GREB1: variants seen among roughly 807,000 people sequenced by gnomAD.
GREB1 encodes growth regulating estrogen receptor binding 1, also known as protein GREB1.
GREB1 carries 106 observed loss-of-function variants against 200.7 expected under a neutral mutation model. The observed-to-expected ratio is 0.53, with a 90% confidence interval of 0.45 to 0.62. The LOEUF (loss-of-function observed/expected upper bound fraction) is 0.62. GREB1 is among the 20% of genes least tolerant of loss of function. GREB1 has a pLI of 0.00. For synonymous variants in GREB1, 1,132 were observed against 1,092.4 expected (o/e 1.04, Z -0.72); for missense variants, 2,243 against 2,556.8 (o/e 0.88, Z 2.65).
intron 7 of GREB1, chr2:11,581,310 G>A: frequency 4.9e-6 from 2 of 410,526 alleles, no homozygotes; most frequent in Non-Finnish European, 8.7e-6. Flanking sequence ...ATGAGGTGCT[G>A]TATGAAAGGT....
At chr2:11,558,902 T>G (rs181044203) in intron 2 of GREB1, among the ~76,000 whole-genome samples, 1 of 152,298 alleles carries the variant, frequency 6.6e-6, no homozygotes, top group African/African-American at 2.4e-5. Flanking sequence ...TCTTATTACT[T>G]TGTTCTTTGA....
chr2:11,552,129 A>G (rs912057233), intron 1 of GREB1, among the ~76,000 whole-genome samples: 7 of 152,240 alleles, frequency 4.6e-5, no homozygotes, highest in African/African-American at 1.7e-4. Flanking sequence ...TTTACAGACT[A>G]GTACAGCCAG....
intron 10 of GREB1, among the ~76,000 whole-genome samples, chr2:11,590,879 A>G (rs912384574): frequency 6.6e-6 from 1 of 152,192 alleles, no homozygotes; most frequent in African/African-American, 2.4e-5. Flanking sequence ...GCTGATCCCA[A>G]GGAGAGGGGC....
chr2:11,613,014 T>C (rs1400173738), intron 19 of GREB1, among the ~76,000 whole-genome samples: 1 of 152,092 alleles, frequency 6.6e-6, no homozygotes, highest in East Asian at 1.9e-4. Flanking sequence ...TGCTGGTACC[T>C]AGGCTGCCGC....
At chr2:11,631,546 G>T (rs1684876711) in intron 26 of GREB1, among the ~76,000 whole-genome samples, 1 of 152,160 alleles carries the variant, frequency 6.6e-6, no homozygotes, top group Non-Finnish European at 1.5e-5. Context: ...GCTCTGTTGT[G>T]CTCACTCACT....
chr2:11,613,739 AGGTACCTTCT>A (rs1683139418), intron 19 of GREB1, among the ~76,000 whole-genome samples: 2 of 152,232 alleles, frequency 1.3e-5, no homozygotes, highest in African/African-American at 4.8e-5. Flanking sequence ...GCTGAATACC[AGGTACCTTCT>A]GGTACCTTCT....
rs3762579 is a variant in GREB1 at position 11,610,939 on chromosome 2, G to A, written c.2918G>A (p.Arg973Gln). The A allele has an allele frequency of 3.0e-4, 476 of 1,610,716 alleles. 5 individuals are homozygous for A. In the East Asian group the frequency reaches 0.01, roughly 34 times the overall value. The change falls in exon 18 of 33, where the codon CGG (arginine) becomes CAG (glutamine). Residue 973 changes from arginine to glutamine, a missense_variant. Physicochemically the swap from Arg to Gln is conservative, Grantham distance 43 (BLOSUM62 1). Around this residue, in one of 3 missense-constraint regions of GREB1, gnomAD observed 1,178 missense variants for 1,387.4 expected, o/e 0.85. Coordinates refer to ENST00000381486, the MANE Select transcript of GREB1 (RefSeq NM_014668.4). ...AYERLAHVRA[R>Q]LALEEHFEII... ...GAGCGGCTGGCCCACGTGCGGGCCC[G>A]GCTGGCGCTGGAGGAGCACTTTGAG...
At chr2:11,614,661 T>G (rs1683237460) in intron 19 of GREB1, among the ~76,000 whole-genome samples, 1 of 151,974 alleles carries the variant, frequency 6.6e-6, no homozygotes, top group African/African-American at 2.4e-5. Flanking sequence ...CCTCCCGGGT[T>G]CACTCCATTC....
At position 11,567,930 on chromosome 2, in the gene GREB1, T is replaced by C. The variant is rs539400297; in HGVS notation, c.454+1274T>C. On this transcript the variant is annotated intron_variant, in intron 4 of 32. Transcript: ENST00000381486. Reference sequence around the variant, plus strand: ...ATGAAGCGGGGAGGTGACTTCCACATGTGCCCTGGCCCTTTGGCAGTCTGT... The same window carrying C: ...ATGAAGCGGGGAGGTGACTTCCACACGTGCCCTGGCCCTTTGGCAGTCTGT... Among the ~76,000 whole-genome samples the C allele has an allele frequency of 3.9e-5, 6 of 152,290 alleles. No individual in the cohort carries two copies. In the East Asian group the frequency reaches 5.8e-4, roughly 15 times the overall value.
rs577309313 is a variant in GREB1, at chr2:11,588,351, A to G, written c.1160-395A>G. On this transcript the variant is annotated intron_variant, in intron 9 of 32. Transcript: ENST00000381486. ...CCTCCCTGCTTGGAGTCAGGGAGGC[A>G]AGACCTGGCAGGCAGCACCCAGTGA... is the stretch of plus-strand genomic sequence containing the variant. The G allele has an allele frequency of 5.9e-5, 59 of 994,680 alleles. No individual in the cohort carries two copies. The African/African-American group carries it at 9.2e-4, about 16-fold the overall frequency. The allele number at this position is 994,680 out of a possible 1,614,324, so 61.6% of individuals were successfully genotyped here. A position where few individuals can be genotyped will look rare whatever the true frequency, so the allele number is the denominator to read the frequency against.
At chr2:11,496,286 A>G (rs1414720476) in intron 1 of GREB1, among the ~76,000 whole-genome samples, 1 of 152,158 alleles carries the variant, frequency 6.6e-6, no homozygotes, top group African/African-American at 2.4e-5. Flanking sequence ...GTCTTCTTTC[A>G]ATGATTCGAT....
At chr2:11,485,067 T>C (rs1032198698) in intron 1 of GREB1, among the ~76,000 whole-genome samples, 1 of 152,124 alleles carries the variant, frequency 6.6e-6, no homozygotes, top group African/African-American at 2.4e-5. Flanking sequence ...GTCCTCGTGA[T>C]CTGCCCGCCT....
chr2:11,617,669 C>G lies in GREB1; in HGVS notation c.3413-619C>G, dbSNP rs577659130. On this transcript the variant is annotated intron_variant, in intron 21 of 32. Coordinates refer to ENST00000381486, the MANE Select transcript of GREB1 (RefSeq NM_014668.4). ...AGGGCCGAGAGGCTCAGGGGCGAGA[C>G]GTGCAGGGCCTGGGTGCGGGGACGG... Among the ~76,000 whole-genome samples the G allele has an allele frequency of 2.0e-5, 3 of 152,272 alleles. No homozygotes were observed. In the East Asian group the frequency reaches 5.8e-4, roughly 30 times the overall value.
intron 1 of GREB1, among the ~76,000 whole-genome samples, chr2:11,515,127 C>T (rs988712556): frequency 6.8e-6 from 1 of 147,822 alleles, no homozygotes; most frequent in East Asian, 1.9e-4. Flanking sequence ...TCCATCCATC[C>T]ATCCATCCAC....
At chr2:11,604,150 A>G (rs1440717409) in intron 17 of GREB1, among the ~76,000 whole-genome samples, 1 of 152,160 alleles carries the variant, frequency 6.6e-6, no homozygotes, top group African/African-American at 2.4e-5. Flanking sequence ...AAACTTCTGT[A>G]CCCTGACCTG....
intron 3 of GREB1, among the ~76,000 whole-genome samples, chr2:11,563,989 G>A (rs1412308696): frequency 6.6e-6 from 1 of 152,180 alleles, no homozygotes; most frequent in Admixed American, 6.5e-5. Context: ...TCCTGGAGGA[G>A]GTGGCCCTTT....
At chr2:11,573,319 G>T (rs1678504401) in intron 4 of GREB1, among the ~76,000 whole-genome samples, 1 of 152,228 alleles carries the variant, frequency 6.6e-6, no homozygotes, top group African/African-American at 2.4e-5. Context: ...GTGGTGACAA[G>T]AGTCGTGTTT....
At chr2:11,561,224 G>A (rs1348723724) in intron 2 of GREB1, 2 of 152,142 alleles carry the variant, frequency 1.3e-5, no homozygotes, top group Non-Finnish European at 2.9e-5. Flanking sequence ...CTAAGACCAA[G>A]TGTAGTATCT....
At chr2:11,546,988 C>T (rs1675341179) in intron 1 of GREB1, among the ~76,000 whole-genome samples, 1 of 149,454 alleles carries the variant, frequency 6.7e-6, no homozygotes, top group African/African-American at 2.5e-5. Context: ...CCCTGTTGCC[C>T]AGGCTGGATT....
Sources: gnomAD v4.1 joint callset for allele counts (sites outside exome capture counted in the v4.1 genomes callset) on GRCh38, gnomAD v4.1.1 for gene constraint, gnomAD v4.1.1 regional missense constraint, MANE v1.5 for transcripts, NCBI Gene and HGNC (gene_info 2026-07-23, HGNC 2026-07-21) for gene names.